Variants in NOVA1 observed in about 807,000 individuals in gnomAD.
The protein encoded by NOVA1 is RNA-binding protein Nova-1.
In NOVA1, 7 loss-of-function variants were observed where a neutral mutation model predicts 38.0. The ratio of observed to expected loss-of-function variants is 0.18; its 90% CI spans 0.10 to 0.35. The LOEUF (loss-of-function observed/expected upper bound fraction) is 0.35. Ranked by LOEUF, NOVA1 falls within the 10% of genes least tolerant of loss-of-function variation. The pLI is 1.00. For missense variants in NOVA1, 460 were observed against 616.0 expected, an observed-to-expected ratio of 0.75 and a Z score of 2.68; for synonymous variants, 270 against 232.5, an observed-to-expected ratio of 1.16 and a Z score of -1.47.
chr14:26,509,077 T>C (rs1027896220), intron 2 of NOVA1, among the ~76,000 whole-genome samples: 2 of 152,132 alleles, frequency 1.3e-5, no homozygotes, highest in Non-Finnish European at 2.9e-5. Flanking sequence ...ATTTCACCTC[T>C]TTCAAAGTAA....
At chr14:26,586,190 T>C (rs1893505635) in intron 2 of NOVA1, among the ~76,000 whole-genome samples, 1 of 151,336 alleles carries the variant, frequency 6.6e-6, no homozygotes, top group Non-Finnish European at 1.5e-5. Context: ...TTTAACACTG[T>C]AGAAGGAAAA....
At chr14:26,508,505 C>T (rs895745354) in intron 2 of NOVA1, among the ~76,000 whole-genome samples, 2 of 151,476 alleles carry the variant, frequency 1.3e-5, no homozygotes, top group Non-Finnish European at 3.0e-5. Flanking sequence ...CTATATCCTA[C>T]GATTTGATAA....
At position 26,484,457 on chromosome 14, in the gene NOVA1, A is replaced by AAAAAAAAAAAC. The variant is rs1175375616; in HGVS notation, c.281-4315_281-4314insGTTTTTTTTTT. Among the ~76,000 whole-genome samples, 12 of 102,586 alleles carry AAAAAAAAAAAC rather than the reference A, an allele frequency of 1.2e-4. 4 individuals carry two copies. Among genetic ancestry groups the AAAAAAAAAAAC allele is most frequent in the Non-Finnish European group, 1.4e-4 (7 of 50,042 alleles). 67.3% of individuals were successfully genotyped at this position (102,586 alleles called of 152,430 possible). On this transcript the variant is annotated intron_variant, in intron 2 of 4. Coordinates refer to ENST00000539517, the MANE Select transcript of NOVA1 (RefSeq NM_002515.3). ...AAAAAAAAAAAAAAAAAAAAAAAAA[A>AAAAAAAAAAAC]AAAAAGAAATTAATTGTTCTATTTT...
chr14:26,565,495 T>C (rs534380844), intron 2 of NOVA1, among the ~76,000 whole-genome samples: 1 of 152,260 alleles, frequency 6.6e-6, no homozygotes, highest in South Asian at 2.1e-4. Context: ...TTTCACCATT[T>C]TTCGTTTTTT....
chr14:26,582,074 T>C (rs1893262662), intron 2 of NOVA1, among the ~76,000 whole-genome samples: 1 of 151,906 alleles, frequency 6.6e-6, no homozygotes, highest in Non-Finnish European at 1.5e-5. Flanking sequence ...TTAACTGTGA[T>C]AGAGTCAGTT....
intron 2 of NOVA1, among the ~76,000 whole-genome samples, chr14:26,530,210 C>T (rs1351218111): frequency 1.3e-5 from 2 of 152,192 alleles, no homozygotes; most frequent in African/African-American, 4.8e-5. Flanking sequence ...GAGCCACGCG[C>T]CCAGCCTAAA....
intron 4 of NOVA1, among the ~76,000 whole-genome samples, chr14:26,462,565 T>C (rs1307571874): frequency 6.6e-6 from 1 of 152,196 alleles, no homozygotes; most frequent in Non-Finnish European, 1.5e-5. Flanking sequence ...TAGAGTTGAG[T>C]ATTTTTCATG....
intron 2 of NOVA1, among the ~76,000 whole-genome samples, chr14:26,537,129 G>A (rs560293164): frequency 1.5e-4 from 23 of 151,878 alleles, no homozygotes; most frequent in Non-Finnish European, 3.1e-4. Flanking sequence ...TAGCAAAAAA[G>A]ACTGAAACAA....
chr14:26,550,698 G>A (rs1239429891), intron 2 of NOVA1, among the ~76,000 whole-genome samples: 3 of 152,046 alleles, frequency 2.0e-5, no homozygotes, highest in Non-Finnish European at 2.9e-5. Flanking sequence ...ACTCTGAAGA[G>A]GTAACTTTAC....
chr14:26,571,627 G>A (rs1299755434), intron 2 of NOVA1, among the ~76,000 whole-genome samples: 2 of 152,168 alleles, frequency 1.3e-5, no homozygotes, highest in Non-Finnish European at 2.9e-5. Flanking sequence ...CTACAACAGA[G>A]TTAACTAAGA....
intron 4 of NOVA1, among the ~76,000 whole-genome samples, chr14:26,467,039 T>C (rs533472997): frequency 2.0e-5 from 3 of 152,210 alleles, no homozygotes; most frequent in African/African-American, 7.2e-5. Context: ...TGTCCCACAG[T>C]GGAGACACAA....
chr14:26,531,346 G>A (rs567956959), intron 2 of NOVA1, among the ~76,000 whole-genome samples: 12 of 152,292 alleles, frequency 7.9e-5, no homozygotes, highest in Admixed American at 1.3e-4. Flanking sequence ...GGTGGCTCAC[G>A]CCTGTAATCC....
At chr14:26,489,669 A>G (rs369587523) in intron 2 of NOVA1, among the ~76,000 whole-genome samples, 2 of 151,986 alleles carry the variant, frequency 1.3e-5, no homozygotes, top group South Asian at 2.1e-4. Flanking sequence ...TGAGAACTCC[A>G]TCTCTACTAA....
intron 2 of NOVA1, among the ~76,000 whole-genome samples, chr14:26,481,346 T>G (rs8009255): frequency 6.6e-6 from 1 of 151,926 alleles, no homozygotes; most frequent in Admixed American, 6.6e-5. Flanking sequence ...AAGGACAAAT[T>G]TGTGAAACTA....
chr14:26,570,036 C>T (rs531003196), intron 2 of NOVA1, among the ~76,000 whole-genome samples: 3 of 152,216 alleles, frequency 2.0e-5, no homozygotes, highest in Non-Finnish European at 4.4e-5. Flanking sequence ...AGGAAACCAT[C>T]TGCTTATTCA....
intron 2 of NOVA1, among the ~76,000 whole-genome samples, chr14:26,574,439 C>T (rs898404561): frequency 2.6e-5 from 4 of 151,880 alleles, no homozygotes; most frequent in African/African-American, 9.7e-5. Context: ...TTCACTGCTA[C>T]CTTGGAAATG....
chr14:26,538,372 T>C (rs879765899), intron 2 of NOVA1, among the ~76,000 whole-genome samples: 3 of 152,056 alleles, frequency 2.0e-5, no homozygotes, highest in Non-Finnish European at 4.4e-5. Context: ...GAAAATGACA[T>C]GATGTCATTT....
chr14:26,477,450 A>G, intron 3 of NOVA1, among the ~76,000 whole-genome samples: 1 of 152,154 alleles, frequency 6.6e-6, no homozygotes, highest in East Asian at 1.9e-4. Flanking sequence ...GCTAAATTTC[A>G]TTATTCTACT....
Position 26,448,575 on chromosome 14 carries a change from A to G in NOVA1, c.908T>C (p.Val303Ala). The G allele has an allele frequency of 6.2e-7, 1 of 1,614,192 alleles. No homozygotes were observed. Among genetic ancestry groups the G allele is most frequent in the Non-Finnish European group, 8.5e-7 (1 of 1,180,032 alleles). ...NLAGVAAFPA[V>A]LSGFTGNDLV... ...GTCATTGCCTGTGAAGCCAGATAAA[A>G]CTGCTGGAAAGGCTGCAACGCCAGC... Residue 303 changes from valine to alanine, a missense_variant, in exon 5 of 5, where the codon GTT becomes GCT. By Grantham distance (64) the Val-to-Ala change is moderately conservative. Transcript: ENST00000539517. The surrounding 1 kb of genome is among the most constrained non-coding windows in gnomAD (Gnocchi z 5.3).
Sources: allele counts gnomAD v4.1 joint callset (sites outside exome capture counted in the v4.1 genomes callset), GRCh38; gene constraint gnomAD v4.1.1; non-coding constraint Gnocchi (gnomAD v3.1); transcripts MANE v1.5; gene names NCBI Gene and HGNC (gene_info 2026-07-23, HGNC 2026-07-21).